Variants in MICU1 observed in about 807,000 individuals in gnomAD.
MICU1 encodes calcium uptake protein 1, mitochondrial.
In MICU1, 45 loss-of-function variants were observed where a neutral mutation model predicts 56.8. The observed-to-expected ratio is 0.79, with a 90% confidence interval of 0.62 to 1.02. MICU1 has a LOEUF of 1.02. Ranked by LOEUF, MICU1 falls within the 50% of genes least tolerant of loss-of-function variation. The pLI is 0.00. For missense variants in MICU1, 504 were observed against 587.1 expected, an observed-to-expected ratio of 0.86 and a Z score of 1.46; for synonymous variants, 186 against 195.1, an observed-to-expected ratio of 0.95 and a Z score of 0.39.
At chr10:72,408,617 A>T (rs746405480) in intron 9 of MICU1, among the ~76,000 whole-genome samples, 1 of 152,128 alleles carries the variant, frequency 6.6e-6, no homozygotes, top group Non-Finnish European at 1.5e-5. Flanking sequence ...CCTAATGAAA[A>T]TATTTCTAAC....
chr10:72,544,056 G>A (rs902861245), intron 4 of MICU1, among the ~76,000 whole-genome samples: 8 of 152,166 alleles, frequency 5.3e-5, no homozygotes, highest in African/African-American at 7.2e-5. Flanking sequence ...TGACCTAAAC[G>A]GTTATGTTAT....
rs200910062 is a variant in MICU1, at chr10:72,376,470, C to T, written c.1181-598G>A. Among the ~76,000 whole-genome samples, 8 of 151,862 alleles carry T rather than the reference C, an allele frequency of 5.3e-5. No individual in the cohort carries two copies. In the East Asian group the frequency reaches 1.4e-3, roughly 26 times the overall value. On this transcript the variant is annotated intron_variant, in intron 10 of 11. Transcript: ENST00000361114. The stretch of plus-strand genomic sequence containing the variant: ...GGATTCCGAGGCAACATGGCGAAAC[C>T]CTGTCTCTACAAAAAATACAAAAAA...
At chr10:72,428,039 C>T (rs1864406968) in intron 8 of MICU1, among the ~76,000 whole-genome samples, 1 of 152,156 alleles carries the variant, frequency 6.6e-6, no homozygotes, top group South Asian at 2.1e-4. Context: ...ATCTATGTTA[C>T]TGCAATTGAC....
At chr10:72,420,567 T>G (rs1351994873) in intron 9 of MICU1, among the ~76,000 whole-genome samples, 2 of 152,166 alleles carry the variant, frequency 1.3e-5, no homozygotes, top group African/African-American at 2.4e-5. Context: ...CATGGTCAGA[T>G]GGTAGCCATT....
At chr10:72,468,898 T>C (rs1865872565) in intron 8 of MICU1, among the ~76,000 whole-genome samples, 1 of 152,170 alleles carries the variant, frequency 6.6e-6, no homozygotes, top group African/African-American at 2.4e-5. Flanking sequence ...ATAAATCAGG[T>C]ACAGAAATGC....
At chr10:72,506,096 G>A (rs1867242025) in intron 6 of MICU1, among the ~76,000 whole-genome samples, 1 of 151,058 alleles carries the variant, frequency 6.6e-6, no homozygotes, top group African/African-American at 2.4e-5. Flanking sequence ...TACAAAGTAA[G>A]CACTTCATTG....
chr10:72,557,730 TCACA>T (rs1319034943), intron 3 of MICU1, among the ~76,000 whole-genome samples: 2 of 152,166 alleles, frequency 1.3e-5, no homozygotes, highest in Non-Finnish European at 2.9e-5. Context: ...ACATACACAC[TCACA>T]CAAATATATA....
intron 1 of MICU1, among the ~76,000 whole-genome samples, chr10:72,593,721 T>C (rs555262495): frequency 7.9e-5 from 12 of 152,306 alleles, no homozygotes; most frequent in African/African-American, 1.7e-4. Flanking sequence ...TGCATTTCTA[T>C]ACACTAGTGA....
chr10:72,585,266 T>C (rs1196682564), intron 1 of MICU1, among the ~76,000 whole-genome samples: 1 of 152,086 alleles, frequency 6.6e-6, no homozygotes, highest in Non-Finnish European at 1.5e-5. Flanking sequence ...TTTGTATTTT[T>C]AGTAAGTTCA....
At chr10:72,472,751 T>C (rs902622182) in intron 8 of MICU1, among the ~76,000 whole-genome samples, 14 of 152,184 alleles carry the variant, frequency 9.2e-5, no homozygotes, top group African/African-American at 3.4e-4. Flanking sequence ...AATGTTACCA[T>C]AGGCTAATTG....
At chr10:72,576,142 A>G (rs952382438) in intron 1 of MICU1, among the ~76,000 whole-genome samples, 1 of 143,670 alleles carries the variant, frequency 7.0e-6, no homozygotes, top group Non-Finnish European at 1.5e-5. Flanking sequence ...TGAACTTGGG[A>G]GGCAGAGGTT....
At chr10:72,389,515 C>T (rs975847469) in intron 10 of MICU1, among the ~76,000 whole-genome samples, 7 of 152,008 alleles carry the variant, frequency 4.6e-5, no homozygotes, top group African/African-American at 7.3e-5. Flanking sequence ...GTAAACTGCA[C>T]GTATAGAATA....
intron 8 of MICU1, among the ~76,000 whole-genome samples, chr10:72,471,421 C>A (rs1865948118): frequency 1.3e-5 from 2 of 152,174 alleles, no homozygotes; most frequent in African/African-American, 4.8e-5. Flanking sequence ...AACTCTATAG[C>A]ATCTCAGTAT....
At chr10:72,609,799 G>T (rs1329497064) in intron 1 of MICU1, among the ~76,000 whole-genome samples, 5 of 150,590 alleles carry the variant, frequency 3.3e-5, no homozygotes, top group East Asian at 2.0e-4. Flanking sequence ...ACTTTGGGAG[G>T]CCTAGGTGGG....
At chr10:72,610,525 G>C (rs1342686045) in intron 1 of MICU1, among the ~76,000 whole-genome samples, 1 of 152,182 alleles carries the variant, frequency 6.6e-6, no homozygotes, top group Non-Finnish European at 1.5e-5. Context: ...ATAAGAAACA[G>C]TGGGAAGACA....
chr10:72,438,392 T>C (rs192091138), intron 8 of MICU1, among the ~76,000 whole-genome samples: 2 of 149,278 alleles, frequency 1.3e-5, no homozygotes, highest in Non-Finnish European at 3.0e-5. Context: ...GGGACACATT[T>C]AAAGCAGCGT....
chr10:72,440,316 T>C (rs1864877451), intron 8 of MICU1, among the ~76,000 whole-genome samples: 1 of 152,210 alleles, frequency 6.6e-6, no homozygotes, highest in South Asian at 2.1e-4. Flanking sequence ...CCCTATTTAA[T>C]AAATGGTGCT....
intron 8 of MICU1, among the ~76,000 whole-genome samples, chr10:72,456,899 GTGTT>G (rs1233688031): frequency 9.3e-6 from 1 of 107,126 alleles, no homozygotes; most frequent in Non-Finnish European, 2.1e-5. Flanking sequence ...GTGTGTGTGT[GTGTT>G]TTGTTTGTTT....
intron 5 of MICU1, among the ~76,000 whole-genome samples, chr10:72,518,563 T>C (rs1461619841): frequency 2.0e-5 from 3 of 152,196 alleles, no homozygotes; most frequent in Admixed American, 1.3e-4. Flanking sequence ...AAATTATCAG[T>C]TCAGTTAAAA....
Sources: gnomAD v4.1 joint callset for allele counts (sites outside exome capture counted in the v4.1 genomes callset) on GRCh38, gnomAD v4.1.1 for gene constraint, MANE v1.5 for transcripts, NCBI Gene and HGNC (gene_info 2026-07-23, HGNC 2026-07-21) for gene names.